CACNA2D3: variants seen among roughly 807,000 people sequenced by gnomAD.
The protein encoded by CACNA2D3 is calcium voltage-gated channel auxiliary subunit alpha2delta 3.
In CACNA2D3, 60 loss-of-function variants were observed where a neutral mutation model predicts 160.6. The ratio of observed to expected loss-of-function variants is 0.37; its 90% CI spans 0.30 to 0.46. CACNA2D3 has a LOEUF of 0.46. Ranked by LOEUF, CACNA2D3 falls within the 20% of genes least tolerant of loss-of-function variation. CACNA2D3 has a pLI of 1.00. For synonymous variants in CACNA2D3, 558 were observed against 492.9 expected (o/e 1.13, Z -1.75); for missense variants, 1,205 against 1,365.0 (o/e 0.88, Z 1.85).
chr3:54,246,217 A>T (rs1702072994), intron 2 of CACNA2D3, among the ~76,000 whole-genome samples: 2 of 152,198 alleles, frequency 1.3e-5, no homozygotes, highest in Admixed American at 1.3e-4. Flanking sequence ...TTATACTTGA[A>T]ATTAATTCAA....
intron 35 of CACNA2D3, among the ~76,000 whole-genome samples, chr3:55,026,955 CCCTT>C (rs1703574479): frequency 1.3e-5 from 2 of 152,148 alleles, no homozygotes; most frequent in African/African-American, 4.8e-5. Flanking sequence ...ACCCCTTTGT[CCCTT>C]CCTTCTCTCT....
intron 2 of CACNA2D3, among the ~76,000 whole-genome samples, chr3:54,263,446 G>A (rs2107441952): frequency 6.6e-6 from 1 of 152,318 alleles, no homozygotes; most frequent in South Asian, 2.1e-4. Flanking sequence ...TTACAGAAGA[G>A]GGAATCTGAG....
intron 11 of CACNA2D3, among the ~76,000 whole-genome samples, chr3:54,698,582 C>G (rs527300487): frequency 9.9e-5 from 15 of 152,190 alleles, no homozygotes; most frequent in African/African-American, 3.6e-4. Flanking sequence ...ACTTGACATT[C>G]GGAAGGGCAA....
chr3:54,856,723 A>G (rs1483905560), intron 17 of CACNA2D3, among the ~76,000 whole-genome samples: 2 of 152,228 alleles, frequency 1.3e-5, no homozygotes, highest in African/African-American at 4.8e-5. Flanking sequence ...CGGGAGAGGT[A>G]CCTGCCTTAG....
intron 4 of CACNA2D3, among the ~76,000 whole-genome samples, chr3:54,456,547 T>C (rs1013770466): frequency 6.6e-6 from 1 of 151,974 alleles, no homozygotes; most frequent in African/African-American, 2.4e-5. Context: ...TCATTAGGGA[T>C]ATTGGCCTAT....
intron 35 of CACNA2D3, among the ~76,000 whole-genome samples, chr3:55,068,342 G>C (rs1432351576): frequency 6.6e-6 from 1 of 152,184 alleles, no homozygotes; most frequent in Non-Finnish European, 1.5e-5. Context: ...TAAGAATTGA[G>C]CGCATTTAAT....
At chr3:54,674,349 G>A (rs517729) in intron 11 of CACNA2D3, among the ~76,000 whole-genome samples, 64,129 of 115,506 alleles carry the variant, frequency 0.56, 15,092 homozygotes, top group Admixed American at 0.61. Context: ...AAGAGGGGAG[G>A]GTGTTGGAAG....
chr3:54,988,282 A>G (rs1702661307), intron 31 of CACNA2D3, among the ~76,000 whole-genome samples: 1 of 152,226 alleles, frequency 6.6e-6, no homozygotes, highest in Non-Finnish European at 1.5e-5. Context: ...GCCAAATTCC[A>G]CAGGTGGCAG....
In CACNA2D3 at chr3:55,073,877, TC is replaced by T; in HGVS notation, c.3183+20del. ...ATCCTGAGGTAAGTCTGAGAACTGT[TC>T]CTGTTTCCTTTTCCCATCAGAATCA... On this transcript the variant is annotated intron_variant, in intron 37 of 37. Coordinates refer to ENST00000474759, the MANE Select transcript of CACNA2D3 (RefSeq NM_018398.3). The T allele has an allele frequency of 1.2e-6, 2 of 1,600,132 alleles. No homozygotes were observed. Among genetic ancestry groups the T allele is most frequent in the Non-Finnish European group, 1.7e-6 (2 of 1,168,034 alleles).
At chr3:54,332,893 C>G (rs970614441) in intron 3 of CACNA2D3, among the ~76,000 whole-genome samples, 1 of 152,122 alleles carries the variant, frequency 6.6e-6, no homozygotes, top group Non-Finnish European at 1.5e-5. Context: ...GCTCCCTCCC[C>G]ACATGGAGTT....
intron 14 of CACNA2D3, among the ~76,000 whole-genome samples, chr3:54,836,262 T>C (rs1698682417): frequency 7.0e-6 from 1 of 142,606 alleles, no homozygotes; most frequent in Admixed American, 7.3e-5. Context: ...TGGGAGAGAG[T>C]CTCGCTCTGT....
At chr3:54,490,027 A>T (rs549986513) in intron 4 of CACNA2D3, among the ~76,000 whole-genome samples, 1 of 152,336 alleles carries the variant, frequency 6.6e-6, no homozygotes, top group East Asian at 1.9e-4. Flanking sequence ...CCCATAGGAC[A>T]CACATGCACC....
At chr3:54,710,013 C>G (rs138605421) in intron 11 of CACNA2D3, among the ~76,000 whole-genome samples, 17 of 152,180 alleles carry the variant, frequency 1.1e-4, no homozygotes, top group Admixed American at 8.5e-4. Context: ...TTTTCACACA[C>G]GCACACAGGG....
intron 3 of CACNA2D3, among the ~76,000 whole-genome samples, chr3:54,352,032 T>C (rs960059929): frequency 3.9e-5 from 6 of 152,248 alleles, no homozygotes; most frequent in African/African-American, 1.4e-4. Context: ...TTTGATGACC[T>C]GTACTGCATG....
chr3:54,702,932 A>G (rs1489769868), intron 11 of CACNA2D3, among the ~76,000 whole-genome samples: 1 of 152,240 alleles, frequency 6.6e-6, no homozygotes, highest in Non-Finnish European at 1.5e-5. Context: ...TTGCAGCAAC[A>G]TGGATGCAGC....
At chr3:54,846,958 CTTTTT>C (rs1698947662) in intron 17 of CACNA2D3, among the ~76,000 whole-genome samples, 1 of 152,206 alleles carries the variant, frequency 6.6e-6, no homozygotes, top group South Asian at 2.1e-4. Flanking sequence ...TATTCAACAG[CTTTTT>C]TGTTAAATCA....
chr3:54,808,967 C>A (rs1393877784), intron 13 of CACNA2D3, among the ~76,000 whole-genome samples: 1 of 152,096 alleles, frequency 6.6e-6, no homozygotes, highest in South Asian at 2.1e-4. Context: ...CTGTTATGGG[C>A]CAGTTGTTTT....
intron 2 of CACNA2D3, among the ~76,000 whole-genome samples, chr3:54,212,538 A>G (rs1349910668): frequency 6.6e-6 from 1 of 152,218 alleles, no homozygotes; most frequent in Non-Finnish European, 1.5e-5. Flanking sequence ...CAGAGAGAAT[A>G]GATTGTAAAT....
At chr3:54,822,524 G>A (rs1703627630) in intron 14 of CACNA2D3, among the ~76,000 whole-genome samples, 1 of 152,152 alleles carries the variant, frequency 6.6e-6, no homozygotes, top group Non-Finnish European at 1.5e-5. Flanking sequence ...AGTCTTGGCT[G>A]ACCCCTTTTC....
Sources: gnomAD v4.1 joint callset for allele counts (sites outside exome capture counted in the v4.1 genomes callset) on GRCh38, gnomAD v4.1.1 for gene constraint, MANE v1.5 for transcripts, NCBI Gene and HGNC (gene_info 2026-07-23, HGNC 2026-07-21) for gene names.